IFT74: variants seen among roughly 807,000 people sequenced by gnomAD.
IFT74 encodes the protein intraflagellar transport 74.
Under a neutral mutation model 96.7 loss-of-function variants are expected in IFT74, and 92 were observed. The ratio of observed to expected loss-of-function variants is 0.95; its 90% CI spans 0.80 to 1.13. The LOEUF (loss-of-function observed/expected upper bound fraction) is 1.13. Ranked by LOEUF, IFT74 falls within the 50% of genes most tolerant of loss-of-function variation. IFT74 has a pLI of 0.00. For missense variants in IFT74, 811 were observed against 698.2 expected (o/e 1.16, Z -1.82); for synonymous variants, 223 against 213.2 (o/e 1.05, Z -0.40).
At chr9:27,043,096 A>C (rs1819547148) in intron 13 of IFT74, among the ~76,000 whole-genome samples, 1 of 152,212 alleles carries the variant, frequency 6.6e-6, no homozygotes, top group African/African-American at 2.4e-5. Context: ...GTAGTTGAGT[A>C]AAGTTGCTAA....
At chr9:27,001,109 G>A (rs116679178) in intron 8 of IFT74, among the ~76,000 whole-genome samples, 91 of 152,104 alleles carry the variant, frequency 6.0e-4, no homozygotes, top group African/African-American at 1.4e-3. Flanking sequence ...CTCCGGTTCC[G>A]TTTTTGTTGC....
At chr9:26,961,881 A>G (rs1189873143) in intron 1 of IFT74, 68 bp from the exon 2 acceptor site, 2 of 1,516,066 alleles carry the variant, frequency 1.3e-6, no homozygotes, top group Non-Finnish European at 1.8e-6. Context: ...ATGTAAGGGT[A>G]TGATGGGTCA....
intron 8 of IFT74, among the ~76,000 whole-genome samples, chr9:26,997,556 A>G (rs1828229790): frequency 6.6e-6 from 1 of 150,604 alleles, no homozygotes; most frequent in South Asian, 2.1e-4. Context: ...CTGGTCTCAA[A>G]CTCCTGACCT....
intron 8 of IFT74, chr9:26,997,745 G>A (rs1440134374): frequency 2.5e-6 from 4 of 1,603,556 alleles, no homozygotes; most frequent in Non-Finnish European, 1.7e-6. Context: ...CACATTTGAT[G>A]TGTTCAACCA....
rs1828727769 is a variant in IFT74 at position 27,005,470 on chromosome 9, A to C, written c.588-3550A>C. 2.0e-5 allele frequency: 3 copies of C among 150,624 alleles called. No homozygotes were observed. In the Admixed American group the frequency reaches 2.0e-4, roughly 10 times the overall value. 9.3% of individuals were successfully genotyped at this position (150,624 alleles called of 1,614,324 possible). Reference sequence around the variant, plus strand: ...TTTGAGGTAGACCATGTGAAAATATAATCATATTTTCTTATTTTTCATCAC... The same window carrying C: ...TTTGAGGTAGACCATGTGAAAATATCATCATATTTTCTTATTTTTCATCAC... On this transcript the variant is annotated intron_variant, in intron 8 of 19. Coordinates refer to ENST00000380062, the MANE Select transcript of IFT74 (RefSeq NM_025103.4).
At chr9:27,053,090 C>A (rs1438520600) in intron 16 of IFT74, among the ~76,000 whole-genome samples, 1 of 151,262 alleles carries the variant, frequency 6.6e-6, no homozygotes, top group Non-Finnish European at 1.5e-5. Context: ...GCCTCGATCT[C>A]CTGACCTCGT....
In IFT74 at chr9:27,063,022, A is replaced by C. The variant is rs1364194766; in HGVS notation, c.*286A>C. 1 of 299,392 alleles carries C rather than the reference A, an allele frequency of 3.3e-6. No homozygotes were observed. The highest frequency in any genetic ancestry group is 2.2e-5 in the African/African-American group (1 of 44,540). 18.5% of individuals were successfully genotyped at this position (299,392 alleles called of 1,614,324 possible). Reference sequence around the variant, plus strand: ...CGTTGAAATTTATTTAGCTGGTATAATCCATCTATGGCAACAAATGAGATA... The same window carrying C: ...CGTTGAAATTTATTTAGCTGGTATACTCCATCTATGGCAACAAATGAGATA... On this transcript the variant is annotated 3_prime_UTR_variant, in exon 20 of 20. Coordinates refer to ENST00000380062, the MANE Select transcript of IFT74 (RefSeq NM_025103.4).
At chr9:26,965,835 C>T (rs1462336465) in intron 2 of IFT74, among the ~76,000 whole-genome samples, 1 of 152,004 alleles carries the variant, frequency 6.6e-6, no homozygotes, top group African/African-American at 2.4e-5. Context: ...TCTGTATGTC[C>T]GTATGTACCC....
intron 12 of IFT74, among the ~76,000 whole-genome samples, chr9:27,024,978 A>G (rs1829788989): frequency 6.6e-6 from 1 of 151,866 alleles, no homozygotes; most frequent in African/African-American, 2.4e-5. Flanking sequence ...AAGAATTAAA[A>G]AAAAAAAAAA....
At chr9:26,986,311 T>C (rs1270476029) in intron 6 of IFT74, among the ~76,000 whole-genome samples, 1 of 151,940 alleles carries the variant, frequency 6.6e-6, no homozygotes, top group East Asian at 1.9e-4. Context: ...TTTTGTTTTT[T>C]GTTTTTTTGT....
intron 18 of IFT74, among the ~76,000 whole-genome samples, chr9:27,056,858 G>GGATA (rs56131867): frequency 0.15 from 21,323 of 144,544 alleles, 1,618 homozygotes; most frequent in East Asian, 0.22. Context: ...TTTAGTCAAT[G>GGATA]GATAGATAGA....
chr9:26,959,073 G>T (rs1826239509), intron 1 of IFT74, among the ~76,000 whole-genome samples: 1 of 151,264 alleles, frequency 6.6e-6, no homozygotes, highest in East Asian at 2.0e-4. Context: ...GAAAATAGTG[G>T]ATATAAGCTA....
rs371117862 is a variant in IFT74 at position 27,024,176 on chromosome 9, A to G, written c.975-4849A>G. On this transcript the variant is annotated intron_variant, in intron 12 of 19. Coordinates refer to ENST00000380062, the MANE Select transcript of IFT74 (RefSeq NM_025103.4). The stretch of plus-strand genomic sequence containing the variant: ...AACCAGAGGCCCTGACTCTGTTCAC[A>G]TGACAGCTTCACTGCCAGCATAACC... Among the ~76,000 whole-genome samples, 14 of 152,334 alleles carry G rather than the reference A, an allele frequency of 9.2e-5. No individual in the cohort carries two copies. In the South Asian group the frequency reaches 2.3e-3, roughly 25 times the overall value.
At chr9:26,976,823 CT>C (rs773021015) in intron 2 of IFT74, 3 of 455,456 alleles carry the variant, frequency 6.6e-6, no homozygotes, top group Non-Finnish European at 1.3e-5. Flanking sequence ...GTCTTTTGGC[CT>C]TTCCTGAGGT....
chr9:26,997,604 G>T, intron 8 of IFT74: 1 of 1,022,632 alleles, frequency 9.8e-7, no homozygotes, highest in Non-Finnish European at 1.4e-6. Flanking sequence ...ATAGTGATGG[G>T]ATTACAGGCA....
chr9:27,064,660 G>A lies in IFT74; in HGVS notation c.*1924G>A, dbSNP rs1820554395. ...TTCGTGGATACTTCCAAGGAGGAAG[G>A]GAATCTGGAAAACATGTTTGTGGAT... On this transcript the variant is annotated 3_prime_UTR_variant, in exon 20 of 20. Coordinates refer to ENST00000380062, the MANE Select transcript of IFT74 (RefSeq NM_025103.4). 6.6e-6 allele frequency among the ~76,000 whole-genome samples: 1 copy of A among 152,026 alleles called. No homozygotes were observed. Among genetic ancestry groups the A allele is most frequent in the Non-Finnish European group, 1.5e-5 (1 of 67,942 alleles).
At chr9:27,061,603 A>G (rs1820423854) in intron 19 of IFT74, among the ~76,000 whole-genome samples, 1 of 151,554 alleles carries the variant, frequency 6.6e-6, no homozygotes, top group Non-Finnish European at 1.5e-5. Context: ...TAAAATCTCT[A>G]AAATATAGTT....
chr9:27,054,831 T>C (rs1820089438), intron 16 of IFT74, among the ~76,000 whole-genome samples: 1 of 152,208 alleles, frequency 6.6e-6, no homozygotes, highest in South Asian at 2.1e-4. Context: ...TTTTTGCATT[T>C]TTGTGCTTTC....
chr9:27,053,529 C>T lies in IFT74; in HGVS notation c.1334-2080C>T, dbSNP rs1295031898. On this transcript the variant is annotated intron_variant, in intron 16 of 19. Coordinates refer to ENST00000380062, the MANE Select transcript of IFT74 (RefSeq NM_025103.4). ...CTTCCCCGGGTCAAAGTGGTTCCTT[C>T]TGAGATTTTGCTCCTATGTACACAC... is the stretch of plus-strand genomic sequence containing the variant. 2.0e-5 allele frequency among the ~76,000 whole-genome samples: 3 copies of T among 152,156 alleles called. 1 individual carries two copies.
Sources: gnomAD v4.1 joint callset for allele counts (sites outside exome capture counted in the v4.1 genomes callset) on GRCh38, gnomAD v4.1.1 for gene constraint, MANE v1.5 for transcripts, NCBI Gene and HGNC (gene_info 2026-07-23, HGNC 2026-07-21) for gene names.